Variants in TNC observed in about 807,000 individuals in gnomAD.
The protein encoded by TNC is tenascin.
A neutral mutation model predicts 202.4 loss-of-function variants in TNC; 109 were observed. The observed-to-expected ratio is 0.54, with a 90% CI of 0.46 to 0.63. The LOEUF (loss-of-function observed/expected upper bound fraction) is 0.63, where lower values mean the gene tolerates loss of function less well. TNC is among the 30% of genes least tolerant of loss of function. TNC has a pLI of 0.00. For synonymous variants in TNC, 1,007 were observed against 1,089.7 expected, an observed-to-expected ratio of 0.92 and a Z score of 1.50; for missense variants, 2,756 against 2,833.3, an observed-to-expected ratio of 0.97 and a Z score of 0.62.
intron 6 of TNC, among the ~76,000 whole-genome samples, chr9:115,078,459 T>C (rs1432921875): frequency 6.6e-6 from 1 of 151,864 alleles, no homozygotes; most frequent in African/African-American, 2.4e-5. Flanking sequence ...TTGCAAAGCA[T>C]CTAGCACAGA....
intron 19 of TNC, among the ~76,000 whole-genome samples, chr9:115,038,764 G>T (rs1830518996): frequency 6.6e-6 from 1 of 152,136 alleles, no homozygotes; most frequent in Non-Finnish European, 1.5e-5. Context: ...TTACACAGAG[G>T]GGACTTGCAT....
At chr9:115,040,307 C>T (rs1830634339) in intron 19 of TNC, among the ~76,000 whole-genome samples, 1 of 152,144 alleles carries the variant, frequency 6.6e-6, no homozygotes, top group Non-Finnish European at 1.5e-5. Flanking sequence ...ATGATAATAG[C>T]TGTGGGGATT....
At position 115,038,351 on chromosome 9, in the gene TNC, C is replaced by T. The variant is rs1296082335; in HGVS notation, c.5422G>A (p.Ala1808Thr). 6.2e-7 allele frequency: 1 copy of T among 1,614,168 alleles called. No homozygotes were observed. The highest frequency in any genetic ancestry group is 1.1e-5 in the South Asian group (1 of 91,074). The part of the protein sequence containing the change: ...ALDGPSGLVT[A>T]NITDSEALAR... The stretch of plus-strand genomic sequence containing the variant: ...AAGGCTTCTGAGTCAGTGATGTTGG[C>T]TGTCACCAGGCCAGATGGGCCATCC... Residue 1808 changes from alanine to threonine, a missense_variant, in exon 20 of 28, where the codon GCC (alanine) becomes ACC (threonine). Ala to Thr is a moderately conservative substitution (Grantham distance 58). Around this residue, in one of 2 missense-constraint regions of TNC, gnomAD observed 2,559 missense variants for 2,546.0 expected, o/e 1.01. Coordinates refer to ENST00000350763, the MANE Select transcript of TNC (RefSeq NM_002160.4).
intron 2 of TNC, among the ~76,000 whole-genome samples, 167 bp from the exon 3 acceptor site, chr9:115,087,440 A>G (rs1265414132): frequency 6.6e-6 from 1 of 151,916 alleles, no homozygotes; most frequent in Non-Finnish European, 1.5e-5. Flanking sequence ...TGAGACTCAC[A>G]TCCTGTTATA....
intron 25 of TNC, 135 bp downstream of exon 25, chr9:115,029,225 G>A (rs1829764192): frequency 5.6e-6 from 4 of 709,014 alleles, no homozygotes; most frequent in Non-Finnish European, 9.7e-6. Flanking sequence ...TTAAGAATTT[G>A]ACATTCTGTG....
At chr9:115,041,227 A>C in intron 18 of TNC, 143 bp from the exon 19 acceptor site, 1 of 893,228 alleles carries the variant, frequency 1.1e-6, no homozygotes, top group Non-Finnish European at 1.6e-6. Context: ...ATTTGCTCCT[A>C]CCCTCTGGCA....
In TNC at chr9:115,081,782, C is replaced by A; in HGVS notation, c.2394G>T (p.Val798=). The A allele has an allele frequency of 6.2e-7, 1 of 1,613,962 alleles. No homozygotes were observed. Among genetic ancestry groups the A allele is most frequent in the South Asian group, 1.1e-5 (1 of 91,058 alleles). Residue 798 remains valine (V), a synonymous_variant, in exon 6 of 28, where the codon GTG becomes GTT. Transcript: ENST00000350763. ...NNTRGPGLKR[V]TTTRLDAPSQ... is the part of the protein sequence containing the mutation. ...AAAGGTGATACTCACGTGTGGTGGT[C>A]ACCCTCTTCAGGCCAGGGCCCCGGG... is the stretch of plus-strand genomic sequence containing the variant.
rs894570631 is a variant in TNC, at chr9:115,116,600, T to G, written c.-137+1382A>C. The stretch of plus-strand genomic sequence containing the variant: ...AACATGAAAAAGAGGCATTCATTCT[T>G]CAAGTGGTGCTCCCTGTCCTGCCCT... On this transcript the variant is annotated intron_variant, in intron 1 of 27. Coordinates refer to ENST00000350763, the MANE Select transcript of TNC (RefSeq NM_002160.4). Among the ~76,000 whole-genome samples the G allele has an allele frequency of 3.9e-5, 6 of 152,194 alleles. No individual in the cohort carries two copies. The East Asian group carries it at 1.2e-3, about 29-fold the overall frequency.
chr9:115,086,171 G>C lies in TNC; in HGVS notation c.1560C>G (p.Asp520Glu). ...CTGCACAGTCAGGGCCGGTGAAGCC[G>C]TCCTCACAGACGCACTGTCCGTCCA... ...LCVDGQCVCE[D>E]GFTGPDCAEL... Residue 520 changes from aspartate (D) to glutamate (E), a missense_variant, in exon 3 of 28, where the codon GAC becomes GAG. This residue lies in a region of TNC where 2,559 missense variants were observed against 2,546.0 expected (regional missense o/e 1.01). Coordinates refer to ENST00000350763, the MANE Select transcript of TNC (RefSeq NM_002160.4). The C allele has an allele frequency of 6.2e-7, 1 of 1,613,934 alleles. No individual in the cohort carries two copies. The highest frequency in any genetic ancestry group is 8.5e-7 in the Non-Finnish European group (1 of 1,179,974).
At chr9:115,033,670 G>A (rs1380168062) in intron 22 of TNC, among the ~76,000 whole-genome samples, 3 of 152,220 alleles carry the variant, frequency 2.0e-5, no homozygotes, top group African/African-American at 7.2e-5. Context: ...AATGTGTCCA[G>A]TTCTGGTTAA....
At chr9:115,087,698 CTT>C (rs752435283) in intron 2 of TNC, among the ~76,000 whole-genome samples, 56,036 of 120,114 alleles carry the variant, frequency 0.47, 10,954 homozygotes, top group Admixed American at 0.55. Flanking sequence ...TCTTTCTTTT[CTT>C]TTTTTTTTTT....
At chr9:115,107,210 T>A (rs1836685267) in intron 1 of TNC, among the ~76,000 whole-genome samples, 1 of 152,170 alleles carries the variant, frequency 6.6e-6, no homozygotes, top group South Asian at 2.1e-4. Context: ...TTTCCTTAAA[T>A]GACCAAATAG....
chr9:115,041,313 G>GT (rs1830734533), intron 18 of TNC, among the ~76,000 whole-genome samples: 2 of 134,664 alleles, frequency 1.5e-5, no homozygotes, highest in Admixed American at 7.1e-5. Context: ...GAGGGGCGGG[G>GT]GAAAACATGA....
chr9:115,074,322 C>G (rs954815532), intron 9 of TNC, among the ~76,000 whole-genome samples: 1 of 152,112 alleles, frequency 6.6e-6, no homozygotes, highest in African/African-American at 2.4e-5. Context: ...GATCTAGGGA[C>G]CTTTGGGAGG....
intron 10 of TNC, among the ~76,000 whole-genome samples, chr9:115,067,631 C>T (rs1833053640): frequency 6.6e-6 from 1 of 152,088 alleles, no homozygotes; most frequent in Non-Finnish European, 1.5e-5. Context: ...GAAAATGTCT[C>T]TTCCTAATGA....
At chr9:115,047,001 C>A (rs962191404) in intron 16 of TNC, among the ~76,000 whole-genome samples, 2 of 152,180 alleles carry the variant, frequency 1.3e-5, no homozygotes, top group African/African-American at 4.8e-5. Context: ...AAGTTCAAAG[C>A]CAGTAAATTG....
At chr9:115,060,949 G>T (rs765098699) in intron 13 of TNC, among the ~76,000 whole-genome samples, 7 of 152,142 alleles carry the variant, frequency 4.6e-5, no homozygotes, top group Non-Finnish European at 8.8e-5. Flanking sequence ...AAATGGTGCA[G>T]AACAGAACCC....
At chr9:115,104,244 A>G (rs1836444910) in intron 1 of TNC, among the ~76,000 whole-genome samples, 1 of 152,206 alleles carries the variant, frequency 6.6e-6, no homozygotes, top group South Asian at 2.1e-4. Flanking sequence ...GCTCTTTCAG[A>G]AGCATTGAAT....
rs35624621 is a variant in TNC at position 115,098,938 on chromosome 9, A to AT, written c.-136-7785dup. ...AGCCAGGAAACAGCCTTAAGTGTGTATTTTTTTTTTTTTTTTTTTCCTGAG... is the reference window on the plus strand; with the variant it reads ...AGCCAGGAAACAGCCTTAAGTGTGTATTTTTTTTTTTTTTTTTTTTCCTGAG... On this transcript the variant is annotated intron_variant, in intron 1 of 27. Transcript: ENST00000350763. 1.1e-3 allele frequency among the ~76,000 whole-genome samples: 142 copies of AT among 127,334 alleles called. 3 individuals are homozygous for AT. Among genetic ancestry groups the AT allele is most frequent in the African/African-American group, 4.1e-3 (136 of 33,008 alleles). The allele number at this position is 127,334 out of a possible 152,430, so 83.5% of individuals were successfully genotyped here.
Sources: allele counts gnomAD v4.1 joint callset (sites outside exome capture counted in the v4.1 genomes callset), GRCh38; gene constraint gnomAD v4.1.1; regional missense constraint gnomAD v4.1.1; transcripts MANE v1.5; gene names NCBI Gene and HGNC (gene_info 2026-07-23, HGNC 2026-07-21).